The following CDH9 variants were observed in gnomAD, a reference collection of about 807,000 sequenced individuals.
CDH9 encodes the protein cadherin-9.
A neutral mutation model predicts 70.9 loss-of-function variants in CDH9; 28 were observed. The observed-to-expected ratio is 0.40, with a 90% CI of 0.29 to 0.54. The LOEUF is 0.54. Ranked by LOEUF, CDH9 falls within the 20% of genes least tolerant of loss-of-function variation. CDH9 has a pLI of 0.59. For synonymous variants in CDH9, 409 were observed against 343.1 expected, an observed-to-expected ratio of 1.19 and a Z score of -2.12; for missense variants, 874 against 984.4, an observed-to-expected ratio of 0.89 and a Z score of 1.50.
In CDH9 at chr5:26,881,609, A is replaced by G; in HGVS notation, c.1897T>C (p.Phe633Leu). The G allele has an allele frequency of 6.2e-7, 1 of 1,608,044 alleles. No individual in the cohort carries two copies. Among genetic ancestry groups the G allele is most frequent in the South Asian group, 1.1e-5 (1 of 90,078 alleles). Reference sequence around the variant, plus strand: ...TTTCTTTGCCTCTTCAATGCAGCAAACAACACGACTAAAACTATTAATAAG... The same window carrying G: ...TTTCTTTGCCTCTTCAATGCAGCAAGCAACACGACTAAAACTATTAATAAG... ...VLILLILVVL[F>L]AALKRQRKKE... Residue 633 changes from phenylalanine (F) to leucine (L), a missense_variant, in exon 12 of 12, where the codon TTT (phenylalanine) becomes CTT (leucine). Physicochemically the swap from Phe to Leu is conservative, Grantham distance 22. Coordinates refer to ENST00000231021, the MANE Select transcript of CDH9 (RefSeq NM_016279.4).
At chr5:26,884,654 G>GTCC (rs1740529831) in intron 11 of CDH9, among the ~76,000 whole-genome samples, 1 of 152,138 alleles carries the variant, frequency 6.6e-6, no homozygotes, top group South Asian at 2.1e-4. Context: ...CCCTACTGAA[G>GTCC]TCCTGCAAGG....
At chr5:26,900,096 C>T (rs903675549) in intron 7 of CDH9, among the ~76,000 whole-genome samples, 3 of 151,854 alleles carry the variant, frequency 2.0e-5, no homozygotes, top group Non-Finnish European at 2.9e-5. Flanking sequence ...ATGAGATTTA[C>T]AAATTCCCTG....
intron 3 of CDH9, among the ~76,000 whole-genome samples, chr5:26,907,391 G>T (rs575524727): frequency 1.1e-4 from 16 of 152,064 alleles, no homozygotes; most frequent in Admixed American, 9.2e-4. Flanking sequence ...ATTATGAAGG[G>T]CCTATGCCTC....
intron 2 of CDH9, among the ~76,000 whole-genome samples, chr5:26,926,708 C>G (rs10037096): frequency 6.6e-6 from 1 of 151,968 alleles, no homozygotes; most frequent in Non-Finnish European, 1.5e-5. Context: ...TACAAGGCTA[C>G]AGTAACCAAA....
chr5:26,921,595 T>C (rs1409425756), intron 2 of CDH9, among the ~76,000 whole-genome samples: 2 of 152,106 alleles, frequency 1.3e-5, no homozygotes, highest in Non-Finnish European at 2.9e-5. Context: ...CTGGCATCAA[T>C]AAAAACCAAT....
At chr5:26,960,886 A>G (rs967469915) in intron 2 of CDH9, among the ~76,000 whole-genome samples, 1 of 152,114 alleles carries the variant, frequency 6.6e-6, no homozygotes, top group Non-Finnish European at 1.5e-5. Flanking sequence ...ACTTTAAAAC[A>G]TATAAATTAC....
At chr5:26,903,372 G>A (rs1740889535) in intron 6 of CDH9, 1 of 550,824 alleles carries the variant, frequency 1.8e-6, no homozygotes, top group Non-Finnish European at 3.3e-6. Context: ...CCTCTATGGA[G>A]AAATACAAAA....
chr5:27,025,217 G>T (rs1404450968), intron 1 of CDH9, among the ~76,000 whole-genome samples: 1 of 152,030 alleles, frequency 6.6e-6, no homozygotes, highest in East Asian at 1.9e-4. Context: ...CACACAAGCG[G>T]TATAGACCTA....
At chr5:26,887,228 A>T (rs1176315705) in intron 9 of CDH9, among the ~76,000 whole-genome samples, 1 of 151,918 alleles carries the variant, frequency 6.6e-6, no homozygotes, top group African/African-American at 2.4e-5. Context: ...TAAGAAAATA[A>T]TTATATAGGA....
intron 2 of CDH9, among the ~76,000 whole-genome samples, chr5:26,933,110 T>A (rs1367605610): frequency 2.0e-5 from 3 of 147,424 alleles, no homozygotes; most frequent in South Asian, 4.2e-4. Context: ...TATACAAATA[T>A]AATTTTAAAA....
chr5:26,953,428 TA>T (rs1022533497), intron 2 of CDH9, among the ~76,000 whole-genome samples: 1 of 152,186 alleles, frequency 6.6e-6, no homozygotes, highest in Admixed American at 6.5e-5. Flanking sequence ...TATACCAAAA[TA>T]AAAATCCATA....
At chr5:26,964,276 C>T (rs1213271425) in intron 2 of CDH9, among the ~76,000 whole-genome samples, 2 of 152,000 alleles carry the variant, frequency 1.3e-5, no homozygotes, top group African/African-American at 4.8e-5. Context: ...TTCTATATTT[C>T]ACTAAAGCCA....
intron 1 of CDH9, among the ~76,000 whole-genome samples, chr5:27,009,726 C>T (rs181767447): frequency 3.3e-5 from 5 of 152,234 alleles, no homozygotes; most frequent in Admixed American, 6.6e-5. Flanking sequence ...CTTCCTTTGT[C>T]TGGCCTGGTG....
Position 26,995,573 on chromosome 5 carries a change from C to A in CDH9, c.-49-7191G>T, listed in dbSNP as rs1217565518. ...ATTTTTCATTTAGAGAACATCAGTA[C>A]AACTCTCTTGGGGCCAATTTAACAC... On this transcript the variant is annotated intron_variant, in intron 1 of 11. Coordinates refer to ENST00000231021, the MANE Select transcript of CDH9 (RefSeq NM_016279.4). Among the ~76,000 whole-genome samples, 3 of 152,012 alleles carry A rather than the reference C, an allele frequency of 2.0e-5. No homozygotes were observed. In the East Asian group the frequency reaches 5.8e-4, roughly 29 times the overall value.
chr5:27,007,548 A>G (rs952799969), intron 1 of CDH9, among the ~76,000 whole-genome samples: 2 of 152,234 alleles, frequency 1.3e-5, no homozygotes, highest in East Asian at 1.9e-4. Flanking sequence ...TTCTCCTTCA[A>G]TGAAACTTTT....
At chr5:26,918,472 C>A (rs1174231807) in intron 2 of CDH9, among the ~76,000 whole-genome samples, 2 of 152,196 alleles carry the variant, frequency 1.3e-5, no homozygotes, top group Non-Finnish European at 1.5e-5. Context: ...AGTCACTTAA[C>A]ATATATTTCT....
At chr5:27,028,947 G>T (rs1182976327) in intron 1 of CDH9, among the ~76,000 whole-genome samples, 6 of 151,836 alleles carry the variant, frequency 4.0e-5, no homozygotes, top group South Asian at 2.1e-4. Flanking sequence ...GGAATTGTTG[G>T]CCACGTGAAC....
At chr5:26,951,999 AT>A (rs1276033223) in intron 2 of CDH9, among the ~76,000 whole-genome samples, 23 of 148,408 alleles carry the variant, frequency 1.5e-4, no homozygotes, top group African/African-American at 5.7e-4. Context: ...ATTTTATTTT[AT>A]GACAGAGTAT....
intron 2 of CDH9, among the ~76,000 whole-genome samples, chr5:26,945,000 T>C (rs1444839373): frequency 1.3e-5 from 2 of 152,186 alleles, no homozygotes; most frequent in African/African-American, 4.8e-5. Flanking sequence ...GGATGTTGGA[T>C]GTCCCCTTAA....
Sources: gnomAD v4.1 joint callset for allele counts (sites outside exome capture counted in the v4.1 genomes callset) on GRCh38, gnomAD v4.1.1 for gene constraint, MANE v1.5 for transcripts, NCBI Gene and HGNC (gene_info 2026-07-23, HGNC 2026-07-21) for gene names.